The following RSU1 variants were observed in gnomAD, a reference collection of about 807,000 sequenced individuals.
RSU1 encodes the protein rsu-1.
A neutral mutation model predicts 31.1 loss-of-function variants in RSU1; 26 were observed. The ratio of observed to expected loss-of-function variants is 0.84; its 90% CI spans 0.61 to 1.16. The LOEUF (loss-of-function observed/expected upper bound fraction) is 1.16, where lower values mean the gene tolerates loss of function less well. RSU1 is among the 50% of genes most tolerant of loss of function. RSU1 has a pLI of 0.00. For synonymous variants in RSU1, 164 were observed against 136.3 expected (o/e 1.20, Z -1.41); for missense variants, 320 against 339.1 (o/e 0.94, Z 0.44).
intron 7 of RSU1, among the ~76,000 whole-genome samples, chr10:16,750,845 C>A (rs56077698): frequency 0.14 from 20,476 of 151,362 alleles, 1,614 homozygotes; most frequent in African/African-American, 0.22. Flanking sequence ...TGGTTATTAA[C>A]CACTGTACAA....
At chr10:16,653,721 CT>C (rs928799838) in intron 8 of RSU1, among the ~76,000 whole-genome samples, 2 of 151,976 alleles carry the variant, frequency 1.3e-5, no homozygotes, top group Non-Finnish European at 2.9e-5. Flanking sequence ...GCCAGCTGTA[CT>C]AGATTTCATA....
intron 8 of RSU1, among the ~76,000 whole-genome samples, chr10:16,627,949 T>C (rs1834186527): frequency 6.6e-6 from 1 of 152,058 alleles, no homozygotes; most frequent in Non-Finnish European, 1.5e-5. Context: ...TACTTTCTGC[T>C]TCTCCAGCTC....
chr10:16,658,457 C>G (rs1041245744), intron 8 of RSU1, among the ~76,000 whole-genome samples: 2 of 152,152 alleles, frequency 1.3e-5, no homozygotes, highest in Admixed American at 6.5e-5. Context: ...GGCACAGGGG[C>G]TCATGCCTGT....
intron 3 of RSU1, among the ~76,000 whole-genome samples, chr10:16,766,868 A>ATAAC (rs1332227650): frequency 6.9e-6 from 1 of 145,350 alleles, no homozygotes; most frequent in Non-Finnish European, 1.5e-5. Flanking sequence ...AAATAAATAA[A>ATAAC]TAAATAATTA....
intron 2 of RSU1, among the ~76,000 whole-genome samples, chr10:16,804,217 A>C (rs1168410310): frequency 6.6e-6 from 1 of 152,242 alleles, no homozygotes; most frequent in Non-Finnish European, 1.5e-5. Context: ...ATATGAAAAG[A>C]TGCTCGGCAT....
intron 2 of RSU1, among the ~76,000 whole-genome samples, chr10:16,788,795 C>T (rs1167298619): frequency 1.3e-5 from 2 of 152,194 alleles, no homozygotes; most frequent in Non-Finnish European, 2.9e-5. Flanking sequence ...TTTCCACTTA[C>T]AAGCAATTAA....
chr10:16,768,391 G>C (rs1377568162), intron 3 of RSU1, among the ~76,000 whole-genome samples: 6 of 152,202 alleles, frequency 3.9e-5, no homozygotes, highest in African/African-American at 1.4e-4. Context: ...TAGTCATGTA[G>C]AACTTCGCTT....
At chr10:16,790,866 C>A (rs1837898732) in intron 2 of RSU1, among the ~76,000 whole-genome samples, 1 of 152,194 alleles carries the variant, frequency 6.6e-6, no homozygotes. Context: ...TCGCCTTCCA[C>A]CATGATTATA....
chr10:16,655,536 T>G (rs554789071), intron 8 of RSU1, among the ~76,000 whole-genome samples: 1 of 152,196 alleles, frequency 6.6e-6, no homozygotes, highest in Non-Finnish European at 1.5e-5. Flanking sequence ...TAATTATATA[T>G]TATATACAAT....
chr10:16,730,164 C>T (rs1296631275), intron 7 of RSU1, among the ~76,000 whole-genome samples: 4 of 152,088 alleles, frequency 2.6e-5, no homozygotes, highest in Non-Finnish European at 4.4e-5. Context: ...AATCAGCTCT[C>T]CTGGGGACTC....
intron 8 of RSU1, among the ~76,000 whole-genome samples, chr10:16,601,930 G>T (rs77838422): frequency 0.013 from 2,016 of 152,250 alleles, 46 homozygotes; most frequent in African/African-American, 0.045. Flanking sequence ...TTATCTCCCT[G>T]GCAGGTGAAC....
Position 16,590,850 on chromosome 10 carries a change from A to T in RSU1, c.*2544T>A, listed in dbSNP as rs1342771510. The T allele has an allele frequency of 2.0e-5, 3 of 152,198 alleles. No homozygotes were observed. Among genetic ancestry groups the T allele is most frequent in the African/African-American group, 7.2e-5 (3 of 41,464 alleles). The allele number at this position is 152,198 out of a possible 1,614,324, so 9.4% of individuals were successfully genotyped here. On this transcript the variant is annotated 3_prime_UTR_variant, in exon 9 of 9. Transcript: ENST00000345264. ...GGACCATCCTTATATAGTTAGTTTT[A>T]AAAATCTTGCTTTTTCTGTTTAATC...
At chr10:16,663,597 C>T (rs1402918315) in intron 8 of RSU1, among the ~76,000 whole-genome samples, 1 of 152,144 alleles carries the variant, frequency 6.6e-6, no homozygotes, top group East Asian at 1.9e-4. Context: ...GAAGCTACGC[C>T]TACAGCCAGA....
chr10:16,764,840 C>G (rs909553640), intron 3 of RSU1, among the ~76,000 whole-genome samples: 3 of 151,910 alleles, frequency 2.0e-5, no homozygotes, highest in African/African-American at 4.8e-5. Context: ...TATTAAGAAG[C>G]ATATATACTT....
chr10:16,768,807 A>C (rs937717572), intron 3 of RSU1, among the ~76,000 whole-genome samples: 1 of 152,162 alleles, frequency 6.6e-6, no homozygotes, highest in Non-Finnish European at 1.5e-5. Flanking sequence ...CTCCCCCAGC[A>C]GTTTCTGGAA....
chr10:16,693,524 G>A (rs1210645018), intron 8 of RSU1, among the ~76,000 whole-genome samples: 3 of 151,886 alleles, frequency 2.0e-5, no homozygotes, highest in Non-Finnish European at 2.9e-5. Flanking sequence ...GTGACCTTTA[G>A]CAATCTTCTA....
chr10:16,691,900 G>A (rs562756759), intron 8 of RSU1, among the ~76,000 whole-genome samples: 5 of 151,760 alleles, frequency 3.3e-5, no homozygotes, highest in Admixed American at 6.6e-5. Flanking sequence ...CACCACACTC[G>A]GCTAATTTTT....
chr10:16,614,482 A>G (rs763232613), intron 8 of RSU1, among the ~76,000 whole-genome samples: 4 of 152,202 alleles, frequency 2.6e-5, no homozygotes, highest in Non-Finnish European at 4.4e-5. Flanking sequence ...ATTGTAATCA[A>G]TAATTTACAC....
intron 7 of RSU1, among the ~76,000 whole-genome samples, chr10:16,735,071 C>T (rs1028951208): frequency 8.5e-5 from 13 of 152,182 alleles, no homozygotes; most frequent in African/African-American, 1.9e-4. Context: ...CTAATCTCCA[C>T]GAACACAAGA....
Sources: allele counts gnomAD v4.1 joint callset (sites outside exome capture counted in the v4.1 genomes callset), GRCh38; gene constraint gnomAD v4.1.1; transcripts MANE v1.5; gene names NCBI Gene and HGNC (gene_info 2026-07-23, HGNC 2026-07-21).